Variants in TOM1L1 observed in about 807,000 individuals in gnomAD.
TOM1L1 encodes TOM1-like protein 1.
Under a neutral mutation model 63.4 loss-of-function variants are expected in TOM1L1, and 64 were observed. That is an observed-to-expected ratio of 1.01 (90% CI 0.83 to 1.24). The LOEUF (loss-of-function observed/expected upper bound fraction) is 1.24. Among genes scored for constraint, TOM1L1 ranks in the 50% most tolerant of loss-of-function variants. The pLI, the probability that TOM1L1 is intolerant of heterozygous loss-of-function variation, is 0.00. For synonymous variants in TOM1L1, 166 were observed against 194.4 expected, an observed-to-expected ratio of 0.85 and a Z score of 1.22; for missense variants, 536 against 567.0, an observed-to-expected ratio of 0.95 and a Z score of 0.55.
At position 54,913,869 on chromosome 17, in the gene TOM1L1, A is replaced by C; in HGVS notation, c.494A>C (p.Gln165Pro). The C allele has an allele frequency of 6.2e-7, 1 of 1,606,478 alleles. No individual in the cohort carries two copies. Among genetic ancestry groups the C allele is most frequent in the Non-Finnish European group, 8.5e-7 (1 of 1,175,276 alleles). Residue 165 changes from glutamine to proline, a missense_variant, in exon 5 of 16, where the codon CAA (glutamine) becomes CCA (proline). Gln to Pro is a moderately conservative substitution (Grantham distance 76). Transcript: ENST00000575882. ...GAAGCAGAGGCTGAAACAGCAAGACAAGAGGTAGGAGGCCTTTCTTTGACC... is the reference window on the plus strand; with the variant it reads ...GAAGCAGAGGCTGAAACAGCAAGACCAGAGGTAGGAGGCCTTTCTTTGACC... ...PSEAEAETAR[Q>P]ETAQISSNPP...
intron 3 of TOM1L1, chr17:54,906,783 G>A (rs757363013): frequency 6.6e-5 from 65 of 985,488 alleles, no homozygotes; most frequent in Middle Eastern, 5.2e-4. Flanking sequence ...CTTCAGTCAC[G>A]TTGGTGAGTT....
intron 3 of TOM1L1, among the ~76,000 whole-genome samples, chr17:54,909,337 A>G (rs999984514): frequency 6.6e-6 from 1 of 152,148 alleles, no homozygotes; most frequent in Non-Finnish European, 1.5e-5. Context: ...GAGAAGACTG[A>G]GGCCTGTCCT....
At chr17:54,937,067 T>A in intron 9 of TOM1L1, 42 bp from the exon 10 acceptor site, 1 of 1,493,796 alleles carries the variant, frequency 6.7e-7, no homozygotes, top group Non-Finnish European at 9.3e-7. Flanking sequence ...AAAGCTGTGA[T>A]AAACTACATG....
At chr17:54,931,966 TTGTTTG>T (rs2048869047) in intron 8 of TOM1L1, among the ~76,000 whole-genome samples, 1 of 150,376 alleles carries the variant, frequency 6.6e-6, no homozygotes, top group African/African-American at 2.5e-5. Flanking sequence ...TTTTGTTTGT[TTGTTTG>T]TTTGTTTTTT....
chr17:54,911,023 T>G (rs1436425511), intron 3 of TOM1L1, among the ~76,000 whole-genome samples: 1 of 152,222 alleles, frequency 6.6e-6, no homozygotes, highest in Non-Finnish European at 1.5e-5. Flanking sequence ...GCATGGAAAC[T>G]AAAGATTTAA....
intron 12 of TOM1L1, among the ~76,000 whole-genome samples, chr17:54,949,203 AT>A (rs58407367): frequency 0.094 from 11,441 of 122,210 alleles, 1,187 homozygotes; most frequent in African/African-American, 0.28. Flanking sequence ...ATGCCCAGCT[AT>A]TTTTTTTTTT....
chr17:54,912,542 G>T (rs2048513407), intron 3 of TOM1L1, 124 bp from the exon 4 acceptor site: 2 of 769,458 alleles, frequency 2.6e-6, no homozygotes, highest in Non-Finnish European at 3.9e-6. Context: ...TATTTTAGTA[G>T]ATACTAAATT....
chr17:54,932,995 G>C (rs2048888596), intron 8 of TOM1L1, among the ~76,000 whole-genome samples: 1 of 152,176 alleles, frequency 6.6e-6, no homozygotes, highest in Non-Finnish European at 1.5e-5. Context: ...TTTGAACCCT[G>C]TGTACCAGAA....
At chr17:54,915,721 C>T (rs2048576270) in intron 6 of TOM1L1, 25 bp from the exon 7 acceptor site, 1 of 1,502,484 alleles carries the variant, frequency 6.7e-7, no homozygotes, top group Admixed American at 1.9e-5. Context: ...GTCGCACTGA[C>T]TGGTGATTGT....
chr17:54,923,955 G>A (rs1352668387), intron 7 of TOM1L1, among the ~76,000 whole-genome samples: 1 of 151,996 alleles, frequency 6.6e-6, no homozygotes, highest in Non-Finnish European at 1.5e-5. Flanking sequence ...TTGCACCACC[G>A]TACTCCAGCC....
intron 7 of TOM1L1, among the ~76,000 whole-genome samples, chr17:54,926,957 G>A (rs2048779315): frequency 1.3e-5 from 2 of 152,180 alleles, no homozygotes; most frequent in Admixed American, 6.5e-5. Context: ...TTTTCATGTG[G>A]GTACGTGAGG....
At position 54,904,243 on chromosome 17, in the gene TOM1L1, G is replaced by A. The variant is rs376742975; in HGVS notation, c.143+451G>A. ...AAATTAGCCAGGCATGGTGGCGGGT[G>A]CCTGTAGTACCAGCTACTTGGGAGG... On this transcript the variant is annotated intron_variant, in intron 2 of 15. Coordinates refer to ENST00000575882, the MANE Select transcript of TOM1L1 (RefSeq NM_005486.3). Among the ~76,000 whole-genome samples, 40 of 152,160 alleles carry A rather than the reference G, an allele frequency of 2.6e-4. No homozygotes were observed. The South Asian group carries it at 8.1e-3, about 31-fold the overall frequency.
chr17:54,935,487 T>G (rs899781899), intron 8 of TOM1L1, among the ~76,000 whole-genome samples: 2 of 152,164 alleles, frequency 1.3e-5, no homozygotes, highest in Non-Finnish European at 2.9e-5. Context: ...GAAGTCAAAT[T>G]GTCATAACAG....
chr17:54,923,752 G>A (rs2048721729), intron 7 of TOM1L1, among the ~76,000 whole-genome samples: 1 of 151,768 alleles, frequency 6.6e-6, no homozygotes, highest in South Asian at 2.1e-4. Context: ...CACCATGTTG[G>A]CCAGGCTGGT....
intron 14 of TOM1L1, chr17:54,953,282 C>G (rs1423139926): frequency 1.3e-5 from 2 of 152,408 alleles, no homozygotes; most frequent in Non-Finnish European, 2.9e-5. Context: ...GGTGGGAGGA[C>G]TGCTTGAGCC....
intron 14 of TOM1L1, among the ~76,000 whole-genome samples, chr17:54,956,374 G>A (rs1249155379): frequency 6.6e-6 from 1 of 151,926 alleles, no homozygotes; most frequent in Non-Finnish European, 1.5e-5. Flanking sequence ...GGGTGATCTC[G>A]GCTCACTGCA....
At chr17:54,927,361 C>CT (rs1323590158) in intron 7 of TOM1L1, among the ~76,000 whole-genome samples, 2 of 152,026 alleles carry the variant, frequency 1.3e-5, no homozygotes, top group African/African-American at 2.4e-5. Context: ...TTTTGTGTTT[C>CT]TTTTTATTGA....
At chr17:54,948,731 G>T (rs899287919) in intron 12 of TOM1L1, among the ~76,000 whole-genome samples, 32 of 152,340 alleles carry the variant, frequency 2.1e-4, no homozygotes, top group African/African-American at 7.2e-4. Context: ...AATAGTGCCT[G>T]GCAGCTGGTA....
intron 3 of TOM1L1, among the ~76,000 whole-genome samples, chr17:54,912,051 C>G (rs1391402171): frequency 2.0e-5 from 3 of 152,170 alleles, no homozygotes. Flanking sequence ...TCATAACTTA[C>G]CCATTTTTCC....
Sources: allele counts gnomAD v4.1 joint callset (sites outside exome capture counted in the v4.1 genomes callset), GRCh38; gene constraint gnomAD v4.1.1; transcripts MANE v1.5; gene names NCBI Gene and HGNC (gene_info 2026-07-23, HGNC 2026-07-21).